The following KLF12 variants were observed in gnomAD, a reference collection of about 807,000 sequenced individuals.
The protein encoded by KLF12 is Krueppel-like factor 12.
KLF12 carries 9 observed loss-of-function variants against 37.8 expected under a neutral mutation model. The observed-to-expected ratio is 0.24, with a 90% CI of 0.14 to 0.42. KLF12 has a LOEUF of 0.42. Ranked by LOEUF, KLF12 falls within the 10% of genes least tolerant of loss-of-function variation. The pLI is 1.00. For missense variants in KLF12, 411 were observed against 516.0 expected, an observed-to-expected ratio of 0.80 and a Z score of 1.97; for synonymous variants, 208 against 202.1, an observed-to-expected ratio of 1.03 and a Z score of -0.25.
intron 5 of KLF12, among the ~76,000 whole-genome samples, chr13:73,806,398 A>G (rs1039740001): frequency 4.0e-5 from 6 of 151,884 alleles, no homozygotes; most frequent in African/African-American, 1.5e-4. Flanking sequence ...ACCGTGCCCA[A>G]CTTTTCTTCT....
chr13:74,084,535 T>C (rs763300083), intron 1 of KLF12, among the ~76,000 whole-genome samples: 3 of 152,224 alleles, frequency 2.0e-5, no homozygotes, highest in Non-Finnish European at 4.4e-5. Flanking sequence ...CAAATTTTAA[T>C]AATCACTAGA....
intron 2 of KLF12, among the ~76,000 whole-genome samples, chr13:73,949,760 T>C (rs140724704): frequency 1.3e-5 from 2 of 152,344 alleles, no homozygotes; most frequent in African/African-American, 4.8e-5. Context: ...AGAGGGCATA[T>C]AACTAATCAA....
the KLF12 span, among the ~76,000 whole-genome samples, chr13:74,272,774 A>G: frequency 6.6e-6 from 1 of 152,220 alleles, no homozygotes; most frequent in African/African-American, 2.4e-5. Flanking sequence ...AGTGATCTAA[A>G]GAATATTTTC....
chr13:74,133,515 G>A (rs565812802), intron 1 of KLF12, among the ~76,000 whole-genome samples: 1 of 151,972 alleles, frequency 6.6e-6, no homozygotes, highest in African/African-American at 2.4e-5. Context: ...GAATCCGACC[G>A]ACGCTACTTG....
intron 6 of KLF12, among the ~76,000 whole-genome samples, chr13:73,721,217 G>A (rs1416147691): frequency 1.3e-5 from 2 of 152,186 alleles, no homozygotes; most frequent in Admixed American, 6.5e-5. Flanking sequence ...CAAAGTCTGC[G>A]GCTACACTAA....
At chr13:73,721,697 G>A (rs1409762068) in intron 6 of KLF12, among the ~76,000 whole-genome samples, 2 of 150,332 alleles carry the variant, frequency 1.3e-5, no homozygotes, top group Admixed American at 6.7e-5. Context: ...GACTACAGGT[G>A]CATGCCACCA....
At chr13:74,114,348 C>T (rs1229141434) in intron 1 of KLF12, among the ~76,000 whole-genome samples, 11 of 151,976 alleles carry the variant, frequency 7.2e-5, no homozygotes, top group Non-Finnish European at 1.5e-5. Context: ...GGTTTTTTTT[C>T]ATCACAATGC....
At position 73,777,864 on chromosome 13, in the gene KLF12, G is replaced by C. The variant is rs914023091; in HGVS notation, c.807-12864C>G. Among the ~76,000 whole-genome samples, 3 of 151,984 alleles carry C rather than the reference G, an allele frequency of 2.0e-5. No individual in the cohort carries two copies. In the East Asian group the frequency reaches 5.8e-4, roughly 29 times the overall value. The stretch of plus-strand genomic sequence containing the variant: ...AGAAAACAGAAGCCTGGGCACGGTG[G>C]CTCATGCATGTAATCCCAGCACCTT... On this transcript the variant is annotated intron_variant, in intron 5 of 7. Coordinates refer to ENST00000377669, the MANE Select transcript of KLF12 (RefSeq NM_007249.5).
intron 3 of KLF12, among the ~76,000 whole-genome samples, chr13:73,914,543 T>C (rs973879543): frequency 5.3e-5 from 8 of 152,298 alleles, no homozygotes; most frequent in Non-Finnish European, 1.0e-4. Context: ...ACAAATTCTC[T>C]GGCTGGCTTT....
At chr13:73,849,068 G>A (rs999771448) in intron 3 of KLF12, among the ~76,000 whole-genome samples, 1 of 152,066 alleles carries the variant, frequency 6.6e-6, no homozygotes, top group African/African-American at 2.4e-5. Flanking sequence ...AGATTACACA[G>A]ACATATCTGT....
the KLF12 span, among the ~76,000 whole-genome samples, chr13:74,305,252 A>G: frequency 2.6e-5 from 4 of 152,116 alleles, no homozygotes; most frequent in Non-Finnish European, 5.9e-5. Context: ...GTAAAGTGCT[A>G]TATTTCCGTT....
chr13:74,302,277 C>T, the KLF12 span, among the ~76,000 whole-genome samples: 1 of 152,096 alleles, frequency 6.6e-6, no homozygotes, highest in Non-Finnish European at 1.5e-5. Flanking sequence ...GCAGCAGAAA[C>T]AGCATTTTAA....
chr13:74,122,574 AC>A (rs1336005192), intron 1 of KLF12, among the ~76,000 whole-genome samples: 1 of 152,158 alleles, frequency 6.6e-6, no homozygotes, highest in African/African-American at 2.4e-5. Flanking sequence ...CTCAGAAGAT[AC>A]CCATAAAGTT....
At chr13:73,953,917 A>G (rs1890732468) in intron 2 of KLF12, among the ~76,000 whole-genome samples, 1 of 151,554 alleles carries the variant, frequency 6.6e-6, no homozygotes, top group Admixed American at 6.6e-5. Flanking sequence ...AGCCAGAAAA[A>G]TGTGCACACT....
At chr13:74,098,723 A>G (rs1231573746) in intron 1 of KLF12, among the ~76,000 whole-genome samples, 3 of 152,242 alleles carry the variant, frequency 2.0e-5, no homozygotes, top group African/African-American at 7.2e-5. Context: ...TACAAATCAG[A>G]CTTTGGTAAG....
At chr13:74,051,925 T>C (rs553168591) in intron 1 of KLF12, among the ~76,000 whole-genome samples, 16 of 152,292 alleles carry the variant, frequency 1.1e-4, no homozygotes, top group Non-Finnish European at 1.6e-4. Flanking sequence ...TTCGAAGTGA[T>C]GGATTTGCCA....
chr13:74,185,874 C>T, the KLF12 span, among the ~76,000 whole-genome samples: 1 of 152,080 alleles, frequency 6.6e-6, no homozygotes, highest in Admixed American at 6.5e-5. Context: ...GAACTCCTGA[C>T]CTCAAGTGAT....
At chr13:74,035,192 T>C (rs1276928929) in intron 1 of KLF12, among the ~76,000 whole-genome samples, 1 of 152,234 alleles carries the variant, frequency 6.6e-6, no homozygotes, top group African/African-American at 2.4e-5. Context: ...CATGTAGTAT[T>C]TGCATATAAC....
At chr13:73,974,320 A>AAAAAAAAAAAAAAAAAAAAAAAT (rs397704620) in intron 2 of KLF12, among the ~76,000 whole-genome samples, 3 of 151,504 alleles carry the variant, frequency 2.0e-5, no homozygotes, top group Non-Finnish European at 2.9e-5. Context: ...CAAAAAAAAA[A>AAAAAAAAAAAAAAAAAAAAAAAT]GAATTCTGCA....
Sources: allele counts gnomAD v4.1 joint callset (sites outside exome capture counted in the v4.1 genomes callset), GRCh38; gene constraint gnomAD v4.1.1; transcripts MANE v1.5; gene names NCBI Gene and HGNC (gene_info 2026-07-23, HGNC 2026-07-21).